The following ATR variants were observed in gnomAD, a reference collection of about 807,000 sequenced individuals.
The protein encoded by ATR is serine/threonine-protein kinase ATR.
In ATR, 142 loss-of-function variants were observed where a neutral mutation model predicts 305.3. The ratio of observed to expected loss-of-function variants is 0.47; its 90% CI spans 0.41 to 0.53. ATR has a LOEUF of 0.53. ATR is among the 20% of genes least tolerant of loss of function. The pLI is 0.00. For missense variants in ATR, 2,135 were observed against 3,133.1 expected, an observed-to-expected ratio of 0.68 and a Z score of 7.60; for synonymous variants, 1,050 against 1,068.1, an observed-to-expected ratio of 0.98 and a Z score of 0.33.
chr3:142,487,335 C>CTA (rs1435157749), intron 35 of ATR, among the ~76,000 whole-genome samples: 2 of 152,088 alleles, frequency 1.3e-5, no homozygotes, highest in Non-Finnish European at 2.9e-5. Flanking sequence ...CGGAGATTTG[C>CTA]TATGTTTCCT....
rs756245840 is a variant in ATR, at chr3:142,535,096, G to T, written c.3929C>A (p.Thr1310Asn). 6 of 1,611,884 alleles carry T rather than the reference G, an allele frequency of 3.7e-6. No homozygotes were observed. The highest frequency in any genetic ancestry group is 5.1e-6 in the Non-Finnish European group (6 of 1,178,540). The change falls in exon 21 of 47, where the codon ACC becomes AAC. Residue 1310 changes from threonine to asparagine, a missense_variant. Physicochemically the swap from Thr to Asn is moderately conservative, Grantham distance 65 (BLOSUM62 0). Around this residue, in one of 9 missense-constraint regions of ATR, gnomAD observed 530 missense variants for 766.8 expected, o/e 0.69. Coordinates refer to ENST00000350721, the MANE Select transcript of ATR (RefSeq NM_001184.4). ...TTAGCATACCTGATTTTTATACAAG[G>T]TTTCCTTCAAGCTTGTAAGAGCATG... ...RIHALTSLKE[T>N]LYKNQEKLIK...
At chr3:142,528,319 G>C (rs1346054863) in intron 21 of ATR, among the ~76,000 whole-genome samples, 8 of 152,040 alleles carry the variant, frequency 5.3e-5, no homozygotes. Flanking sequence ...TCCTCTGATT[G>C]AGTTTCTATA....
intron 41 of ATR, among the ~76,000 whole-genome samples, chr3:142,462,931 T>G (rs1395169748): frequency 6.6e-6 from 1 of 152,176 alleles, no homozygotes. Flanking sequence ...ATATATCAGG[T>G]GGAAATAAAC....
chr3:142,578,229 A>G (rs913751893), intron 1 of ATR, among the ~76,000 whole-genome samples: 5 of 152,212 alleles, frequency 3.3e-5, no homozygotes, highest in African/African-American at 1.2e-4. Flanking sequence ...CTAAAAACCA[A>G]TTCCTCCACG....
At chr3:142,495,866 G>A (rs1000810604) in intron 34 of ATR, among the ~76,000 whole-genome samples, 3 of 152,162 alleles carry the variant, frequency 2.0e-5, no homozygotes, top group South Asian at 2.1e-4. Context: ...GAGGTCTGCC[G>A]TGAACTTCTG....
Position 142,467,866 on chromosome 3 carries a change from A to C in ATR, c.6687+68T>G. ...ATTTTAATTTAATTAATCAAATGAA[A>C]AAATCTGCTCAAATTATATACATAA... On this transcript the variant is annotated intron_variant, in intron 39 of 46. Coordinates refer to ENST00000350721, the MANE Select transcript of ATR (RefSeq NM_001184.4). 8 of 1,564,610 alleles carry C rather than the reference A, an allele frequency of 5.1e-6. No individual in the cohort carries two copies. The South Asian group carries it at 9.3e-5, about 18-fold the overall frequency.
At chr3:142,464,374 T>C (rs536949618) in intron 41 of ATR, among the ~76,000 whole-genome samples, 24 of 152,240 alleles carry the variant, frequency 1.6e-4, no homozygotes, top group African/African-American at 4.8e-4. Context: ...TGGTCCTCTT[T>C]CCTGGGCCTC....
chr3:142,450,840 G>T, intron 46 of ATR: 1 of 1,361,250 alleles, frequency 7.3e-7, no homozygotes, highest in East Asian at 3.0e-5. Flanking sequence ...CCGTTCAGTT[G>T]CCATTTCTGG....
chr3:142,465,840 A>G (rs9869813), intron 40 of ATR: 10,188 of 172,478 alleles, frequency 0.059, 1,045 homozygotes, highest in African/African-American at 0.22. Context: ...CCCCGTATCT[A>G]CAAAAAATTT....
chr3:142,512,490 TTAA>T lies in ATR; in HGVS notation c.4642-23_4642-21del. ...ATAAACCTATGAGAATCATTTATAATTAATAATAATATCTATATAATACCATTT... is the reference window on the plus strand; with the variant it reads ...ATAAACCTATGAGAATCATTTATAATTAATAATATCTATATAATACCATTT... On this transcript the variant is annotated intron_variant, in intron 26 of 46. Transcript: ENST00000350721. 2 of 1,527,034 alleles carry T rather than the reference TTAA, an allele frequency of 1.3e-6. No homozygotes were observed. The highest frequency in any genetic ancestry group is 1.8e-6 in the Non-Finnish European group (2 of 1,111,984). The allele number at this position is 1,527,034 out of a possible 1,614,324, so 94.6% of individuals were successfully genotyped here.
chr3:142,486,502 C>T (rs73238202), intron 35 of ATR, among the ~76,000 whole-genome samples: 19,848 of 151,906 alleles, frequency 0.13, 1,379 homozygotes, highest in Non-Finnish European at 0.16. Context: ...CTCATTTCAG[C>T]TTAGATTTTA....
At chr3:142,498,473 G>C in intron 32 of ATR, 124 bp downstream of exon 32, 1 of 833,330 alleles carries the variant, frequency 1.2e-6, no homozygotes, top group South Asian at 1.6e-5. Flanking sequence ...AAGAATGAAA[G>C]AGCTGTCTAG....
chr3:142,529,270 T>A (rs1435063581), intron 21 of ATR, among the ~76,000 whole-genome samples: 1 of 152,040 alleles, frequency 6.6e-6, no homozygotes, highest in Non-Finnish European at 1.5e-5. Context: ...TTTTTTGAAA[T>A]ACCTACACTC....
At chr3:142,554,488 G>A (rs896892967) in intron 10 of ATR, among the ~76,000 whole-genome samples, 3 of 152,118 alleles carry the variant, frequency 2.0e-5, no homozygotes, top group Middle Eastern at 3.2e-3. Context: ...TCGGCCTCCC[G>A]AAGTGCTGGT....
intron 21 of ATR, among the ~76,000 whole-genome samples, chr3:142,524,469 C>A (rs1188168188): frequency 6.6e-6 from 1 of 151,948 alleles, no homozygotes; most frequent in African/African-American, 2.4e-5. Context: ...TATCAATATA[C>A]AAAAAATCAG....
chr3:142,483,289 T>A (rs2030661187), intron 36 of ATR, among the ~76,000 whole-genome samples: 1 of 152,158 alleles, frequency 6.6e-6, no homozygotes, highest in East Asian at 1.9e-4. Flanking sequence ...CAATGGTACA[T>A]GAGTATGATA....
chr3:142,572,603 T>C (rs2035311231), intron 1 of ATR, among the ~76,000 whole-genome samples: 1 of 151,632 alleles, frequency 6.6e-6, no homozygotes, highest in South Asian at 2.1e-4. Context: ...TGAAACCCTG[T>C]CTCTACAAAA....
At chr3:142,535,048 T>C (rs2108423986) in intron 21 of ATR, 32 bp downstream of exon 21, 1 of 1,584,196 alleles carries the variant, frequency 6.3e-7, no homozygotes, top group East Asian at 2.3e-5. Flanking sequence ...CTTTCTTTGT[T>C]ATACATTTTT....
Position 142,498,214 on chromosome 3 carries a change from C to T in ATR, c.5558+383G>A, listed in dbSNP as rs532912527. Reference sequence around the variant, plus strand: ...AATATTCTTTCTAGTAATGTGATGCCTATATTTTTGGGGGGAAATATCAAA... The same window carrying T: ...AATATTCTTTCTAGTAATGTGATGCTTATATTTTTGGGGGGAAATATCAAA... On this transcript the variant is annotated intron_variant, in intron 32 of 46. Transcript: ENST00000350721. 5.9e-5 allele frequency among the ~76,000 whole-genome samples: 9 copies of T among 152,194 alleles called. 1 individual carries two copies. In the South Asian group the frequency reaches 1.5e-3, roughly 25 times the overall value.
Sources: allele counts gnomAD v4.1 joint callset (sites outside exome capture counted in the v4.1 genomes callset), GRCh38; gene constraint gnomAD v4.1.1; regional missense constraint gnomAD v4.1.1; transcripts MANE v1.5; gene names NCBI Gene and HGNC (gene_info 2026-07-23, HGNC 2026-07-21).